The following PARD3B variants were observed in gnomAD, a reference collection of about 807,000 sequenced individuals.
PARD3B encodes the protein par-3 family cell polarity regulator beta, also known as partitioning defective 3 homolog B.
Under a neutral mutation model 130.2 loss-of-function variants are expected in PARD3B, and 103 were observed. The observed-to-expected ratio is 0.79, with a 90% CI of 0.67 to 0.93. The LOEUF is 0.93. Ranked by LOEUF, PARD3B falls within the 40% of genes least tolerant of loss-of-function variation. PARD3B has a pLI of 0.00. For synonymous variants in PARD3B, 583 were observed against 553.2 expected (o/e 1.05, Z -0.76); for missense variants, 1,609 against 1,499.2 (o/e 1.07, Z -1.21).
At chr2:205,493,558 A>G (rs934588027) in intron 20 of PARD3B, among the ~76,000 whole-genome samples, 4 of 152,064 alleles carry the variant, frequency 2.6e-5, no homozygotes, top group Non-Finnish European at 5.9e-5. Flanking sequence ...AGACTCTGTA[A>G]AACACTAAAC....
rs553445812 is a variant in PARD3B, at chr2:204,987,603, G to C, written c.394+22280G>C. Among the ~76,000 whole-genome samples the C allele has an allele frequency of 5.9e-5, 9 of 152,090 alleles. No individual in the cohort carries two copies. In the East Asian group the frequency reaches 1.7e-3, roughly 29 times the overall value. ...CCTGGCACAATGCCTGGTGTGTAGT[G>C]GTCAGTCAATAATTATTTGCTGAAT... On this transcript the variant is annotated intron_variant, in intron 3 of 22. Transcript: ENST00000406610.
rs80261634 is a variant in PARD3B at position 204,812,962 on chromosome 2, A to G, written c.222+126680A>G. On this transcript the variant is annotated intron_variant, in intron 2 of 22. Transcript: ENST00000406610. ...ACTACTTATTCTAACACATTCACCT[A>G]TTGATAGACATTTGGGCTTTCTCCA... Among the ~76,000 whole-genome samples, 929 of 152,276 alleles carry G rather than the reference A, an allele frequency of 6.1e-3. 11 individuals carry two copies. Among genetic ancestry groups the G allele is most frequent in the African/African-American group, 0.022 (897 of 41,552 alleles).
intron 20 of PARD3B, among the ~76,000 whole-genome samples, chr2:205,499,067 A>G (rs992347711): frequency 6.6e-5 from 10 of 152,350 alleles, no homozygotes; most frequent in Middle Eastern, 3.4e-3. Flanking sequence ...CCAGATAAGT[A>G]GAATGGCTGT....
At chr2:204,762,885 C>T (rs918141270) in intron 2 of PARD3B, among the ~76,000 whole-genome samples, 6 of 152,000 alleles carry the variant, frequency 3.9e-5, no homozygotes, top group South Asian at 4.2e-4. Flanking sequence ...CTCAGCCTCC[C>T]TAGTAGCTGG....
intron 2 of PARD3B, among the ~76,000 whole-genome samples, chr2:204,740,578 T>G (rs537815683): frequency 6.6e-6 from 1 of 152,304 alleles, no homozygotes; most frequent in South Asian, 2.1e-4. Flanking sequence ...TGGCCAAGGC[T>G]TCAATAGCCA....
intron 3 of PARD3B, among the ~76,000 whole-genome samples, chr2:204,996,662 G>A (rs1482564169): frequency 5.3e-5 from 8 of 149,842 alleles, no homozygotes; most frequent in Admixed American, 2.0e-4. Flanking sequence ...GGGCAATGGC[G>A]GGCGCCCCTC....
intron 1 of PARD3B, among the ~76,000 whole-genome samples, chr2:204,565,893 A>C (rs916642406): frequency 1.3e-5 from 2 of 152,208 alleles, no homozygotes; most frequent in Non-Finnish European, 2.9e-5. Flanking sequence ...AGAATGCTTT[A>C]TGTGTACTTC....
intron 2 of PARD3B, among the ~76,000 whole-genome samples, chr2:204,934,439 A>G (rs912106147): frequency 6.6e-6 from 1 of 152,230 alleles, no homozygotes; most frequent in Non-Finnish European, 1.5e-5. Context: ...ATGCAAATGC[A>G]TAGAAGTCAC....
At chr2:205,156,807 G>A (rs2034201398) in intron 10 of PARD3B, among the ~76,000 whole-genome samples, 2 of 152,126 alleles carry the variant, frequency 1.3e-5, no homozygotes, top group African/African-American at 4.8e-5. Flanking sequence ...TTGAATCTCA[G>A]ATGTCAGAGA....
rs34822432 is a variant in PARD3B at position 205,127,296 on chromosome 2, C to CAAA, written c.1434+1575_1434+1577dup. On this transcript the variant is annotated intron_variant, in intron 10 of 22. Coordinates refer to ENST00000406610, the MANE Select transcript of PARD3B (RefSeq NM_001302769.2). ...TGGGCAACAGAACGAGACTCTGTCTCAAAAAAAAAAAAAAAAAAGGAAAAA... is the reference window on the plus strand; with the variant it reads ...TGGGCAACAGAACGAGACTCTGTCTCAAAAAAAAAAAAAAAAAAAAAGGAAAAA... Among the ~76,000 whole-genome samples, 295 of 100,528 alleles carry CAAA rather than the reference C, an allele frequency of 2.9e-3. 3 individuals are homozygous for CAAA. Among genetic ancestry groups the CAAA allele is most frequent in the African/African-American group, 0.01 (257 of 24,858 alleles). 66.0% of individuals were successfully genotyped at this position (100,528 alleles called of 152,430 possible).
rs182118888 is a variant in PARD3B at position 204,914,567 on chromosome 2, A to G, written c.223-50585A>G. On this transcript the variant is annotated intron_variant, in intron 2 of 22. Coordinates refer to ENST00000406610, the MANE Select transcript of PARD3B (RefSeq NM_001302769.2). ...GAAAGCAATCTCCAATGAAGGGAGTAGAGGAGCTGTTTCCTGTGAAAAACA... is the reference window on the plus strand; with the variant it reads ...GAAAGCAATCTCCAATGAAGGGAGTGGAGGAGCTGTTTCCTGTGAAAAACA... Among the ~76,000 whole-genome samples, 108 of 152,312 alleles carry G rather than the reference A, an allele frequency of 7.1e-4. 1 individual carries two copies. Among genetic ancestry groups the G allele is most frequent in the East Asian group, 5.0e-3 (26 of 5,172 alleles).
intron 2 of PARD3B, among the ~76,000 whole-genome samples, chr2:204,838,969 G>A (rs1039720659): frequency 6.6e-6 from 1 of 152,186 alleles, no homozygotes; most frequent in African/African-American, 2.4e-5. Context: ...TTCACTATGT[G>A]TAGATCATAA....
At chr2:205,513,321 CT>C (rs939041317) in intron 21 of PARD3B, among the ~76,000 whole-genome samples, 1 of 151,982 alleles carries the variant, frequency 6.6e-6, no homozygotes, top group Non-Finnish European at 1.5e-5. Flanking sequence ...AAATGGATAG[CT>C]TTCTCCTTTC....
rs2042761616 is a variant in PARD3B at position 205,321,796 on chromosome 2, C to G, written c.2630+20095C>G. 6.6e-6 allele frequency among the ~76,000 whole-genome samples: 1 copy of G among 152,160 alleles called. No homozygotes were observed. The highest frequency in any genetic ancestry group is 6.5e-5 in the Admixed American group (1 of 15,272). On this transcript the variant is annotated intron_variant, in intron 18 of 22. Coordinates refer to ENST00000406610, the MANE Select transcript of PARD3B (RefSeq NM_001302769.2). The surrounding 1 kb of genome is among the most constrained non-coding windows in gnomAD (Gnocchi z 4.2). ...TCTAATCTAAAAACATAAATTAAGT[C>G]AGTGTTGACTCCTGGTAAATGAGTA...
At chr2:205,546,429 G>A (rs1421688958) in intron 21 of PARD3B, among the ~76,000 whole-genome samples, 1 of 151,976 alleles carries the variant, frequency 6.6e-6, no homozygotes, top group Non-Finnish European at 1.5e-5. Flanking sequence ...AAACCTGCAT[G>A]ATACCAAGTA....
At chr2:204,905,807 C>T (rs1470594897) in intron 2 of PARD3B, among the ~76,000 whole-genome samples, 2 of 152,162 alleles carry the variant, frequency 1.3e-5, no homozygotes, top group African/African-American at 4.8e-5. Flanking sequence ...CAACATACCA[C>T]TTAAAAGGGT....
At position 205,360,451 on chromosome 2, in the gene PARD3B, T is replaced by C. The variant is rs554390123; in HGVS notation, c.2631-40562T>C. ...CCGCCTCTATGTCACAAAAAATACTTTCCTACATTTCCTTCTACTGAGCTG... is the reference window on the plus strand; with the variant it reads ...CCGCCTCTATGTCACAAAAAATACTCTCCTACATTTCCTTCTACTGAGCTG... On this transcript the variant is annotated intron_variant, in intron 18 of 22. Coordinates refer to ENST00000406610, the MANE Select transcript of PARD3B (RefSeq NM_001302769.2). Among the ~76,000 whole-genome samples the C allele has an allele frequency of 2.6e-5, 4 of 152,326 alleles. No individual in the cohort carries two copies. In the South Asian group the frequency reaches 8.3e-4, roughly 32 times the overall value.
intron 1 of PARD3B, among the ~76,000 whole-genome samples, chr2:204,582,386 A>G (rs1238050576): frequency 6.6e-6 from 1 of 152,150 alleles, no homozygotes; most frequent in East Asian, 1.9e-4. Context: ...TGGCACTGTC[A>G]TTTATTTTTC....
intron 18 of PARD3B, among the ~76,000 whole-genome samples, chr2:205,314,150 T>G (rs1202081161): frequency 6.6e-6 from 1 of 152,162 alleles, no homozygotes. Flanking sequence ...ATAATTTGCT[T>G]GGGGGGCAAA....
Sources: allele counts gnomAD v4.1 joint callset (sites outside exome capture counted in the v4.1 genomes callset), GRCh38; gene constraint gnomAD v4.1.1; non-coding constraint Gnocchi (gnomAD v3.1); transcripts MANE v1.5; gene names NCBI Gene and HGNC (gene_info 2026-07-23, HGNC 2026-07-21).